The following MPP7 variants were observed in gnomAD, a reference collection of about 807,000 sequenced individuals.
The protein encoded by MPP7 is MAGUK p55 subfamily member 7.
In MPP7, 60 loss-of-function variants were observed where a neutral mutation model predicts 76.5. The ratio of observed to expected loss-of-function variants is 0.78; its 90% CI spans 0.64 to 0.97. The LOEUF (loss-of-function observed/expected upper bound fraction) is 0.97, where lower values mean the gene tolerates loss of function less well. Ranked by LOEUF, MPP7 falls within the 50% of genes least tolerant of loss-of-function variation. The pLI, the probability that MPP7 is intolerant of heterozygous loss-of-function variation, is 0.00. For missense variants in MPP7, 641 were observed against 694.0 expected (o/e 0.92, Z 0.86); for synonymous variants, 237 against 244.5 (o/e 0.97, Z 0.29).
At chr10:28,194,616 G>A (rs1301246555) in intron 3 of MPP7, among the ~76,000 whole-genome samples, 2 of 152,170 alleles carry the variant, frequency 1.3e-5, no homozygotes, top group Admixed American at 1.3e-4. Context: ...GGTAAAAGAA[G>A]CCAATCTGAA....
At chr10:28,101,272 A>G (rs1853812592) in intron 11 of MPP7, among the ~76,000 whole-genome samples, 2 of 152,186 alleles carry the variant, frequency 1.3e-5, no homozygotes, top group Admixed American at 6.5e-5. Flanking sequence ...AAAAATATTA[A>G]GGCAGTATAT....
chr10:28,324,648 G>A (rs1834394720), intron 2 of MPP7, among the ~76,000 whole-genome samples: 1 of 152,120 alleles, frequency 6.6e-6, no homozygotes, highest in Admixed American at 6.5e-5. Flanking sequence ...CGGTAATAAA[G>A]ATTCTTCTTT....
chr10:28,230,752 G>T (rs1018116856), intron 2 of MPP7, among the ~76,000 whole-genome samples: 6 of 152,136 alleles, frequency 3.9e-5, no homozygotes, highest in African/African-American at 1.4e-4. Context: ...GGAGGCGGAG[G>T]TTGCAGTGAG....
chr10:28,073,369 A>C (rs1852327818), intron 12 of MPP7, among the ~76,000 whole-genome samples: 1 of 151,954 alleles, frequency 6.6e-6, no homozygotes, highest in South Asian at 2.1e-4. Context: ...ATCTAGCATC[A>C]CCTGGCAGCC....
intron 3 of MPP7, among the ~76,000 whole-genome samples, chr10:28,171,505 T>G (rs1836680233): frequency 1.3e-5 from 2 of 152,206 alleles, no homozygotes; most frequent in Non-Finnish European, 2.9e-5. Flanking sequence ...GCATTTCAAA[T>G]GAGCCCAGAG....
At chr10:28,161,899 G>T in intron 3 of MPP7, among the ~76,000 whole-genome samples, 1 of 152,064 alleles carries the variant, frequency 6.6e-6, no homozygotes, top group Non-Finnish European at 1.5e-5. Flanking sequence ...CAATCTCTTG[G>T]TTCATTCCAA....
Position 28,168,791 on chromosome 10 carries a change from T to C in MPP7, c.157-18732A>G, listed in dbSNP as rs543751746. On this transcript the variant is annotated intron_variant, in intron 3 of 16. Transcript: ENST00000683449. ...CCTCGGCCTCCCAAAGTGCTGGGAT[T>C]ACAGGTGTGAGCCACAGTGCCCAGC... Among the ~76,000 whole-genome samples, 4 of 152,350 alleles carry C rather than the reference T, an allele frequency of 2.6e-5. No homozygotes were observed. In the South Asian group the frequency reaches 8.3e-4, roughly 32 times the overall value.
chr10:28,229,837 T>C (rs1049468908), intron 2 of MPP7, among the ~76,000 whole-genome samples: 4 of 150,524 alleles, frequency 2.7e-5, no homozygotes, highest in African/African-American at 9.8e-5. Flanking sequence ...TGCAGTGAGC[T>C]GAGATCACGC....
intron 2 of MPP7, among the ~76,000 whole-genome samples, chr10:28,219,143 T>C (rs948433336): frequency 1.3e-5 from 2 of 152,228 alleles, no homozygotes; most frequent in Non-Finnish European, 2.9e-5. Flanking sequence ...TCACAGAATT[T>C]GAACAAATAT....
intron 3 of MPP7, among the ~76,000 whole-genome samples, chr10:28,190,289 A>G (rs1297990971): frequency 6.6e-6 from 1 of 152,208 alleles, no homozygotes; most frequent in East Asian, 1.9e-4. Context: ...AAAAATCTGT[A>G]AGGATATAGT....
intron 5 of MPP7, 41 bp from the exon 6 acceptor site, chr10:28,131,732 T>C (rs1270424022): frequency 2.7e-6 from 3 of 1,116,014 alleles, no homozygotes; most frequent in Non-Finnish European, 3.6e-6. Context: ...TAAATATACA[T>C]ACTTATATAT....
intron 3 of MPP7, among the ~76,000 whole-genome samples, chr10:28,186,873 G>C (rs980972081): frequency 1.3e-5 from 2 of 152,182 alleles, no homozygotes; most frequent in African/African-American, 4.8e-5. Flanking sequence ...ATAATACCTA[G>C]AGAAGCTAGA....
intron 2 of MPP7, among the ~76,000 whole-genome samples, chr10:28,314,572 G>A (rs1466022764): frequency 6.6e-6 from 1 of 152,192 alleles, no homozygotes; most frequent in Admixed American, 6.5e-5. Flanking sequence ...CAATCGCAAA[G>A]TGTTGAAGAA....
At chr10:28,116,396 T>C (rs1316668891) in intron 11 of MPP7, among the ~76,000 whole-genome samples, 1 of 152,114 alleles carries the variant, frequency 6.6e-6, no homozygotes, top group Admixed American at 6.5e-5. Flanking sequence ...AGCTGCCAAG[T>C]TCCTGTCATG....
intron 3 of MPP7, among the ~76,000 whole-genome samples, chr10:28,177,176 G>A (rs1289920880): frequency 6.7e-6 from 1 of 150,210 alleles, no homozygotes; most frequent in Non-Finnish European, 1.5e-5. Flanking sequence ...CCAGCACTTT[G>A]GGAGGCCAAG....
chr10:28,099,478 A>G (rs117633852), intron 11 of MPP7, among the ~76,000 whole-genome samples: 1 of 152,314 alleles, frequency 6.6e-6, no homozygotes, highest in East Asian at 1.9e-4. Context: ...CTTGACTCAT[A>G]ACAGAGGATT....
chr10:28,252,876 G>A (rs930570693), intron 1 of MPP7, among the ~76,000 whole-genome samples: 1 of 151,922 alleles, frequency 6.6e-6, no homozygotes, highest in Non-Finnish European at 1.5e-5. Flanking sequence ...TATTCTCTGT[G>A]TCCTAGAAAG....
Position 28,051,400 on chromosome 10 carries a change from T to C in MPP7, c.*2665A>G, listed in dbSNP as rs995893582. 6.6e-6 allele frequency: 1 copy of C among 152,274 alleles called. No homozygotes were observed. The highest frequency in any genetic ancestry group is 2.4e-5 in the African/African-American group (1 of 41,478). The allele number at this position is 152,274 out of a possible 1,614,324, so 9.4% of individuals were successfully genotyped here. On this transcript the variant is annotated 3_prime_UTR_variant, in exon 17 of 17. Transcript: ENST00000683449. ...CTTAAAGATACCAAGAACTTCCATATTGGTCAGTAAAATAAGGGTAAAAAA... is the reference window on the plus strand; with the variant it reads ...CTTAAAGATACCAAGAACTTCCATACTGGTCAGTAAAATAAGGGTAAAAAA...
chr10:28,254,456 G>A (rs1265719236), intron 1 of MPP7, among the ~76,000 whole-genome samples: 1 of 152,116 alleles, frequency 6.6e-6, no homozygotes, highest in Non-Finnish European at 1.5e-5. Context: ...CAAAAGCATG[G>A]CAAATCCAAC....
Sources: gnomAD v4.1 joint callset for allele counts (sites outside exome capture counted in the v4.1 genomes callset) on GRCh38, gnomAD v4.1.1 for gene constraint, MANE v1.5 for transcripts, NCBI Gene and HGNC (gene_info 2026-07-23, HGNC 2026-07-21) for gene names.